LRP2: variants seen among roughly 807,000 people sequenced by gnomAD.
LRP2 encodes the protein low-density lipoprotein receptor-related protein 2.
LRP2 carries 172 observed loss-of-function variants against 531.0 expected under a neutral mutation model. That is an observed-to-expected ratio of 0.32 (90% confidence interval 0.29 to 0.37). The LOEUF is 0.37. Among genes scored for constraint, LRP2 ranks in the 10% least tolerant of loss-of-function variants. LRP2 has a pLI of 1.00. For missense variants in LRP2, 5,167 were observed against 5,868.3 expected (o/e 0.88, Z 3.90); for synonymous variants, 1,992 against 2,027.6 (o/e 0.98, Z 0.47).
rs202057289 is a variant in LRP2, at chr2:169,129,060, G to A, written c.13753C>T (p.Arg4585Ter). 1.9e-5 allele frequency: 31 copies of A among 1,610,976 alleles called. No homozygotes were observed. Among genetic ancestry groups the A allele is most frequent in the East Asian group, 2.2e-5 (1 of 44,870 alleles). Residue 4585 changes from arginine to a stop codon, truncating the protein, a stop_gained, in exon 78 of 79, where the codon CGA (arginine) becomes TGA (stop). Coordinates refer to ENST00000649046, the MANE Select transcript of LRP2 (RefSeq NM_004525.3). LOFTEE classifies it low-confidence loss of function (END_TRUNC). ...TQVTKWNLFK[R>*]KSKQTTNFEN... is the part of the protein sequence containing the mutation. ...AAGTTGGTAGTTTGTTTAGATTTTC[G>A]TTTGAAGAGATTCCATTTTGTCACC...
chr2:169,243,316 G>C (rs1574172473), intron 23 of LRP2, 87 bp downstream of exon 23: 1 of 1,508,662 alleles, frequency 6.6e-7, no homozygotes, highest in East Asian at 2.3e-5. Context: ...GCCCCGGTGT[G>C]TGATGTTCCC....
intron 49 of LRP2, 36 bp downstream of exon 49, chr2:169,187,934 C>T (rs775637069): frequency 1.2e-6 from 2 of 1,608,260 alleles, no homozygotes; most frequent in African/African-American, 1.3e-5. Context: ...TTCAGTCTCC[C>T]CTGTTTCCTT....
chr2:169,297,084 T>C (rs1047177701), intron 4 of LRP2, among the ~76,000 whole-genome samples: 1 of 152,152 alleles, frequency 6.6e-6, no homozygotes, highest in Non-Finnish European at 1.5e-5. Context: ...CTCCACCAAA[T>C]ACTGAAAATA....
Position 169,246,895 on chromosome 2 carries a change from G to A in LRP2, c.3000C>T (p.Cys1000=). ...PVPNFQRVCG[C]PYGMRLASNH... is the part of the protein sequence containing the mutation. ...TGGAAGCCAGCCTCATTCCATAAGG[G>A]CACCCACACACTCGCTGGAAATTTG... The change falls in exon 21 of 79, where the codon TGC becomes TGT. Residue 1000 remains cysteine (C), a synonymous_variant. Transcript: ENST00000649046. 6.2e-7 allele frequency: 1 copy of A among 1,614,170 alleles called. No individual in the cohort carries two copies. The highest frequency in any genetic ancestry group is 2.2e-5 in the East Asian group (1 of 44,886).
intron 49 of LRP2, among the ~76,000 whole-genome samples, chr2:169,187,144 C>T (rs547802602): frequency 1.8e-4 from 27 of 151,972 alleles, no homozygotes; most frequent in Non-Finnish European, 3.7e-4. Flanking sequence ...TAGGTAAACA[C>T]GTGCCATGGT....
intron 1 of LRP2, among the ~76,000 whole-genome samples, chr2:169,338,409 AAAAG>A (rs1401598283): frequency 6.0e-5 from 6 of 100,806 alleles, no homozygotes; most frequent in African/African-American, 1.5e-4. Flanking sequence ...AGAAAGAAAG[AAAAG>A]AAAAGAAAAG....
intron 48 of LRP2, among the ~76,000 whole-genome samples, chr2:169,190,827 G>T (rs566271294): frequency 6.6e-6 from 1 of 152,302 alleles, no homozygotes; most frequent in Non-Finnish European, 1.5e-5. Context: ...TTTTGCTAAT[G>T]CTCGTACTAT....
At chr2:169,269,363 G>C (rs559770977) in intron 16 of LRP2, among the ~76,000 whole-genome samples, 2 of 152,250 alleles carry the variant, frequency 1.3e-5, no homozygotes, top group African/African-American at 2.4e-5. Flanking sequence ...ATACTACAAG[G>C]CTACAGTAAC....
intron 63 of LRP2, 110 bp from the exon 64 acceptor site, chr2:169,157,612 A>G: frequency 2.4e-6 from 3 of 1,232,474 alleles, no homozygotes; most frequent in Non-Finnish European, 3.5e-6. Context: ...TCTTGAGATA[A>G]CCCCTTTCCA....
intron 14 of LRP2, among the ~76,000 whole-genome samples, chr2:169,273,300 A>AG (rs1245049289): frequency 6.6e-6 from 1 of 152,136 alleles, no homozygotes; most frequent in East Asian, 1.9e-4. Context: ...GCAAAAAAAA[A>AG]GAAAGGACTC....
chr2:169,177,686 G>A (rs1258180275), intron 53 of LRP2, 117 bp downstream of exon 53: 1 of 893,448 alleles, frequency 1.1e-6, no homozygotes, highest in African/African-American at 1.6e-5. Context: ...ATGCTTTGAA[G>A]AAAACACTAA....
At chr2:169,362,291 C>A (rs1331321487) in intron 1 of LRP2, 30 bp downstream of exon 1, 2 of 1,528,318 alleles carry the variant, frequency 1.3e-6, no homozygotes, top group Non-Finnish European at 1.8e-6. Context: ...GAAGTGGGGG[C>A]TCCACGAGAG....
intron 75 of LRP2, 56 bp from the exon 76 acceptor site, chr2:169,137,549 T>C: frequency 1.8e-6 from 2 of 1,108,060 alleles, no homozygotes; most frequent in Non-Finnish European, 2.8e-6. Flanking sequence ...GAGAGAGAGA[T>C]TACACCATAC....
intron 76 of LRP2, among the ~76,000 whole-genome samples, chr2:169,134,522 G>T (rs958234826): frequency 7.9e-5 from 12 of 152,044 alleles, no homozygotes; most frequent in African/African-American, 2.9e-4. Context: ...AACACACTTG[G>T]TTTACTGATA....
chr2:169,164,690 C>T (rs1259108305), intron 62 of LRP2, among the ~76,000 whole-genome samples: 1 of 152,162 alleles, frequency 6.6e-6, no homozygotes, highest in Non-Finnish European at 1.5e-5. Context: ...TTTACATGAG[C>T]AAGAAATGAA....
intron 35 of LRP2, among the ~76,000 whole-genome samples, chr2:169,215,196 G>C (rs1299041959): frequency 1.3e-5 from 2 of 152,176 alleles, no homozygotes; most frequent in African/African-American, 4.8e-5. Context: ...AGTGAAGTTA[G>C]TACTTGTTGA....
At chr2:169,321,096 T>A (rs1574254684) in intron 1 of LRP2, among the ~76,000 whole-genome samples, 1 of 152,338 alleles carries the variant, frequency 6.6e-6, no homozygotes, top group African/African-American at 2.4e-5. Context: ...CACAGTTGAT[T>A]AGTGTGTATC....
chr2:169,152,728 C>A (rs1686189643), intron 67 of LRP2, 71 bp downstream of exon 67: 1 of 1,538,960 alleles, frequency 6.5e-7, no homozygotes, highest in African/African-American at 1.4e-5. Flanking sequence ...CACTCATGGC[C>A]CATGGAGTGC....
At chr2:169,223,035 A>T (rs6747692) in intron 33 of LRP2, among the ~76,000 whole-genome samples, 54,395 of 152,010 alleles carry the variant, frequency 0.36, 9,950 homozygotes, top group South Asian at 0.61. Context: ...TATGTGAGCT[A>T]CTTAAAGACA....
Sources: allele counts gnomAD v4.1 joint callset (sites outside exome capture counted in the v4.1 genomes callset), GRCh38; gene constraint gnomAD v4.1.1; transcripts MANE v1.5; gene names NCBI Gene and HGNC (gene_info 2026-07-23, HGNC 2026-07-21).